SPATA46: variants seen among roughly 807,000 people sequenced by gnomAD.
SPATA46 encodes the protein spermatogenesis associated 46.
SPATA46 carries 3 observed loss-of-function variants against 6.2 expected under a neutral mutation model. The ratio of observed to expected loss-of-function variants is 0.48; its 90% CI spans 0.22 to 1.25. The LOEUF is 1.25. Among genes scored for constraint, SPATA46 ranks in the 50% most tolerant of loss-of-function variants. The pLI is 0.20. For missense variants in SPATA46, 308 were observed against 323.5 expected, an observed-to-expected ratio of 0.95 and a Z score of 0.37; for synonymous variants, 117 against 123.3, an observed-to-expected ratio of 0.95 and a Z score of 0.34.
Position 162,376,782 on chromosome 1 carries a change from G to T in SPATA46, c.9C>A (p.Asn3Lys). The change falls in exon 1 of 3, where the codon AAC becomes AAA. Residue 3 changes from asparagine (N) to lysine (K), a missense_variant. Transcript: ENST00000367935. ...GTCCAGAGATGCTGAGGAGTGAGAA[G>T]TTCTCCATATTCTGACCACTGCGGG... The part of the protein sequence containing the change: ME[N>K]FSLLSISGPP... The T allele has an allele frequency of 1.9e-6, 3 of 1,613,978 alleles. No individual in the cohort carries two copies. The South Asian group carries it at 3.3e-5, about 18-fold the overall frequency.
Position 162,374,276 on chromosome 1 carries a change from C to T in SPATA46, c.558G>A (p.Val186=). ...HPAQQNGYKC[V]ACCRMYPTLD... is the part of the protein sequence containing the mutation. ...GGGTGGGGTACATGCGGCAGCAGGC[C>T]ACGCACTTGTAGCCATTCTGCTGTG... The change falls in exon 3 of 3, where the codon GTG becomes GTA. Residue 186 remains valine, a synonymous_variant. Transcript: ENST00000367935. 6.2e-7 allele frequency: 1 copy of T among 1,614,070 alleles called. No individual in the cohort carries two copies. The highest frequency in any genetic ancestry group is 8.5e-7 in the Non-Finnish European group (1 of 1,179,930).
In SPATA46 at chr1:162,374,608, A is replaced by T; in HGVS notation, c.226T>A (p.Leu76Met). 6.2e-7 allele frequency: 1 copy of T among 1,608,828 alleles called. No homozygotes were observed. Among genetic ancestry groups the T allele is most frequent in the Non-Finnish European group, 8.5e-7 (1 of 1,177,242 alleles). Residue 76 changes from leucine to methionine, a missense_variant, in exon 3 of 3, where the codon TTG becomes ATG. Coordinates refer to ENST00000367935, the MANE Select transcript of SPATA46 (RefSeq NM_182581.4). Reference protein sequence around the residue: ...QNTALSPDCSLGDTQHGEKLR... With the variant: ...QNTALSPDCSMGDTQHGEKLR... Reference sequence around the variant, plus strand: ...TTCTCTCCGTGCTGGGTATCCCCCAAGCTGCAGTCTGCAAAGGAAAGGACC... The same window carrying T: ...TTCTCTCCGTGCTGGGTATCCCCCATGCTGCAGTCTGCAAAGGAAAGGACC...
chr1:162,375,269 C>T (rs1647611139), intron 2 of SPATA46, 21 bp downstream of exon 2: 1 of 1,585,720 alleles, frequency 6.3e-7, no homozygotes, highest in African/African-American at 1.3e-5. Flanking sequence ...CATTCCCGCC[C>T]AGAGTCAGAG....
Position 162,374,000 on chromosome 1 carries a change from T to G in SPATA46, c.*48A>C. ...GGGAAGGACAGCAGGCTGTGCGGGG[T>G]GACCTCAGACTGGACAGAAGGCTGT... is the stretch of plus-strand genomic sequence containing the variant. On this transcript the variant is annotated 3_prime_UTR_variant, in exon 3 of 3. Transcript: ENST00000367935. 1.3e-6 allele frequency: 2 copies of G among 1,526,250 alleles called. No individual in the cohort carries two copies. Among genetic ancestry groups the G allele is most frequent in the East Asian group, 2.3e-5 (1 of 43,838 alleles). 94.5% of individuals were successfully genotyped at this position (1,526,250 alleles called of 1,614,324 possible).
chr1:162,375,759 TCA>T (rs955102107), intron 1 of SPATA46, among the ~76,000 whole-genome samples: 4 of 152,072 alleles, frequency 2.6e-5, no homozygotes, highest in African/African-American at 9.6e-5. Flanking sequence ...GGACCCAGAG[TCA>T]CAGGCTGCAG....
In SPATA46 at chr1:162,373,242, C is replaced by T. The variant is rs940093408; in HGVS notation, c.*806G>A. The T allele has an allele frequency of 2.0e-5, 3 of 152,218 alleles. No individual in the cohort carries two copies. Among genetic ancestry groups the T allele is most frequent in the African/African-American group, 7.2e-5 (3 of 41,450 alleles). 9.4% of individuals were successfully genotyped at this position (152,218 alleles called of 1,614,324 possible). A position where few individuals can be genotyped will look rare whatever the true frequency, so the allele number is the denominator to read the frequency against. On this transcript the variant is annotated 3_prime_UTR_variant, in exon 3 of 3. Transcript: ENST00000367935. Reference sequence around the variant, plus strand: ...TGCTGCATCCCTGATGCTTATCCATCTTTCTGGGTCAGATGGACCAGGAGG... The same window carrying T: ...TGCTGCATCCCTGATGCTTATCCATTTTTCTGGGTCAGATGGACCAGGAGG...
chr1:162,375,382 G>T lies in SPATA46; in HGVS notation c.125C>A (p.Pro42His). The T allele has an allele frequency of 6.2e-7, 1 of 1,614,038 alleles. No individual in the cohort carries two copies. Among genetic ancestry groups the T allele is most frequent in the Non-Finnish European group, 8.5e-7 (1 of 1,179,946 alleles). Residue 42 changes from proline to histidine, a missense_variant, in exon 2 of 3, where the codon CCC becomes CAC. By Grantham distance (77) the Pro-to-His change is moderately conservative. Transcript: ENST00000367935. ...SLPDIAKTAV[P>H]TEASSPAQAL... ...CTGAGCTGGGCTGGATGCCTCAGTG[G>T]GTACTGCTGTCTTTGCAATGTCTGG...
chr1:162,373,943 C>T lies in SPATA46; in HGVS notation c.*105G>A, dbSNP rs1017059929. On this transcript the variant is annotated 3_prime_UTR_variant, in exon 3 of 3. Transcript: ENST00000367935. The stretch of plus-strand genomic sequence containing the variant: ...GTGTGTGCCTGGTGTTGCTAGGCAA[C>T]CATTAGCCAAAGGTGATGAGAGCCG... 1.7e-6 allele frequency: 2 copies of T among 1,173,832 alleles called. No homozygotes were observed. Among genetic ancestry groups the T allele is most frequent in the African/African-American group, 3.1e-5 (2 of 64,658 alleles). The allele number at this position is 1,173,832 out of a possible 1,614,324, so 72.7% of individuals were successfully genotyped here.
rs771209824 is a variant in SPATA46, at chr1:162,376,823, C to T, written c.-33G>A. 3.7e-5 allele frequency: 60 copies of T among 1,609,708 alleles called. No homozygotes were observed. The highest frequency in any genetic ancestry group is 2.9e-4 in the Admixed American group (17 of 59,476). ...CCACTGCGGGGGTACAGAGATCACA[C>T]GCCTGCTCTGGAGAGGCTGGCTGGT... On this transcript the variant is annotated 5_prime_UTR_variant, in exon 1 of 3. The change creates a new upstream start codon in the 5' untranslated region. Transcript: ENST00000367935.
intron 1 of SPATA46, chr1:162,376,479 A>C: frequency 1.9e-6 from 1 of 519,484 alleles, no homozygotes. Context: ...AAAAAAAAAA[A>C]AAGTTTTCCC....
chr1:162,376,057 A>C (rs1425716027), intron 1 of SPATA46, among the ~76,000 whole-genome samples: 1 of 152,210 alleles, frequency 6.6e-6, no homozygotes, highest in Non-Finnish European at 1.5e-5. Flanking sequence ...TTAATAACAC[A>C]GATGCTGATT....
chr1:162,376,804 CG>C lies in SPATA46; in HGVS notation c.-15del. 1.2e-6 allele frequency: 2 copies of C among 1,612,996 alleles called. No homozygotes were observed. Among genetic ancestry groups the C allele is most frequent in the South Asian group, 1.1e-5 (1 of 90,854 alleles). Reference sequence around the variant, plus strand: ...GAAGTTCTCCATATTCTGACCACTGCGGGGGTACAGAGATCACACGCCTGCT... The same window carrying C: ...GAAGTTCTCCATATTCTGACCACTGCGGGGTACAGAGATCACACGCCTGCT... On this transcript the variant is annotated 5_prime_UTR_variant, in exon 1 of 3. Transcript: ENST00000367935.
At position 162,374,535 on chromosome 1, in the gene SPATA46, C is replaced by T; in HGVS notation, c.299G>A (p.Ser100Asn). The change falls in exon 3 of 3, where the codon AGC (serine) becomes AAC (asparagine). Residue 100 changes from serine (S) to asparagine (N), a missense_variant. By Grantham distance (46) the Ser-to-Asn change is conservative. Coordinates refer to ENST00000367935, the MANE Select transcript of SPATA46 (RefSeq NM_182581.4). ...TIYRPWFSPY[S>N]YFVCADKESQ... The stretch of plus-strand genomic sequence containing the variant: ...CTCTTTGTCTGCACACACGAAGTAG[C>T]TGTAGGGGGAGAACCAGGGCCGGTA... 6.2e-7 allele frequency: 1 copy of T among 1,614,204 alleles called. No homozygotes were observed. The highest frequency in any genetic ancestry group is 8.5e-7 in the Non-Finnish European group (1 of 1,180,034).
intron 2 of SPATA46, 68 bp from the exon 3 acceptor site, chr1:162,374,684 A>C (rs1647585893): frequency 6.7e-7 from 1 of 1,483,478 alleles, no homozygotes; most frequent in Admixed American, 2.1e-5. Flanking sequence ...CTGGAGCAGA[A>C]AGGTAAGAAG....
rs1240262919 is a variant in SPATA46, at chr1:162,375,366, G to A, written c.141C>T (p.Ser47=). The A allele has an allele frequency of 3.1e-6, 5 of 1,614,146 alleles. No individual in the cohort carries two copies. The East Asian group carries it at 1.1e-4, about 36-fold the overall frequency. The part of the protein sequence containing the change: ...AKTAVPTEAS[S]PAQALPPQYQ... ...ACTGGGGTGGCAGGGCCTGAGCTGG[G>A]CTGGATGCCTCAGTGGGTACTGCTG... The change falls in exon 2 of 3, where the codon AGC becomes AGT. Residue 47 remains serine, a synonymous_variant. Transcript: ENST00000367935.
intron 1 of SPATA46, among the ~76,000 whole-genome samples, chr1:162,375,967 C>T (rs1647646804): frequency 6.6e-6 from 1 of 152,148 alleles, no homozygotes; most frequent in African/African-American, 2.4e-5. Flanking sequence ...TATATGTAGA[C>T]AAATGGATGC....
At position 162,374,179 on chromosome 1, in the gene SPATA46, G is replaced by C. The variant is rs1647534241; in HGVS notation, c.655C>G (p.Leu219Val). The C allele has an allele frequency of 1.2e-6, 2 of 1,614,130 alleles. No individual in the cohort carries two copies. The highest frequency in any genetic ancestry group is 8.5e-7 in the Non-Finnish European group (1 of 1,180,050). ...TGCTCCTTGCTCCAGAGGGCTTTGA[G>C]CTTGCGGTAGTACACCTTGCAGCTG... ...GFSCKVYYRK[L>V]KALWSKEQKA... Residue 219 changes from leucine to valine, a missense_variant, in exon 3 of 3, where the codon CTC becomes GTC. Coordinates refer to ENST00000367935, the MANE Select transcript of SPATA46 (RefSeq NM_182581.4).
intron 1 of SPATA46, among the ~76,000 whole-genome samples, chr1:162,376,024 A>G (rs1428564326): frequency 6.6e-6 from 1 of 152,206 alleles, no homozygotes; most frequent in Non-Finnish European, 1.5e-5. Context: ...TTTACTGTGC[A>G]TAGAGATCCC....
In SPATA46 at chr1:162,374,279, G is replaced by A. The variant is rs13823; in HGVS notation, c.555C>T (p.Cys185=). 0.052 allele frequency: 84,637 copies of A among 1,614,050 alleles called. 2,838 individuals are homozygous for A. Among genetic ancestry groups the A allele is most frequent in the South Asian group, 0.12 (10,676 of 91,078 alleles). ...WHPAQQNGYK[C]VACCRMYPTL... is the part of the protein sequence containing the mutation. ...TGGGGTACATGCGGCAGCAGGCCAC[G>A]CACTTGTAGCCATTCTGCTGTGCTG... Residue 185 remains cysteine, a synonymous_variant, in exon 3 of 3, where the codon TGC becomes TGT. Transcript: ENST00000367935.
Sources: gnomAD v4.1 joint callset for allele counts (sites outside exome capture counted in the v4.1 genomes callset) on GRCh38, gnomAD v4.1.1 for gene constraint, MANE v1.5 for transcripts, NCBI Gene and HGNC (gene_info 2026-07-23, HGNC 2026-07-21) for gene names.